Variants in NME7 observed in about 807,000 individuals in gnomAD.
The protein encoded by NME7 is nucleoside diphosphate kinase 7.
Under a neutral mutation model 49.1 loss-of-function variants are expected in NME7, and 41 were observed. The ratio of observed to expected loss-of-function variants is 0.83; its 90% confidence interval spans 0.65 to 1.08. NME7 has a LOEUF of 1.08. NME7 is among the 50% of genes least tolerant of loss of function. The probability of loss-of-function intolerance (pLI) is 0.00; values close to 1 mark genes in which losing one functional copy is unlikely to be tolerated. For missense variants in NME7, 423 were observed against 463.4 expected, an observed-to-expected ratio of 0.91 and a Z score of 0.80; for synonymous variants, 139 against 150.6, an observed-to-expected ratio of 0.92 and a Z score of 0.56.
chr1:169,287,441 T>G (rs373736347), intron 6 of NME7, 33 bp from the exon 7 acceptor site: 4 of 1,427,130 alleles, frequency 2.8e-6, no homozygotes, highest in Non-Finnish European at 3.8e-6. Flanking sequence ...TTGACAAATG[T>G]GATCTCTTAT....
rs546962650 is a variant in NME7 at position 169,257,861 on chromosome 1, TCCAATC to T, written c.755-20180_755-20175del. 9.0e-5 allele frequency among the ~76,000 whole-genome samples: 12 copies of T among 133,832 alleles called. 2 individuals are homozygous for T. Among genetic ancestry groups the T allele is most frequent in the Non-Finnish European group, 1.6e-4 (9 of 56,922 alleles). 87.8% of individuals were successfully genotyped at this position (133,832 alleles called of 152,430 possible). On this transcript the variant is annotated intron_variant, in intron 7 of 11. Coordinates refer to ENST00000367811, the MANE Select transcript of NME7 (RefSeq NM_013330.5). ...TCTTTAAGAAGGCTAAAGATAAAAC[TCCAATC>T]CCTTCTGGCTTAAAAGGTTTCTGCT... is the stretch of plus-strand genomic sequence containing the variant.
Position 169,276,672 on chromosome 1 carries a change from T to G in NME7, c.754+10631A>C, listed in dbSNP as rs909677787. On this transcript the variant is annotated intron_variant, in intron 7 of 11. Coordinates refer to ENST00000367811, the MANE Select transcript of NME7 (RefSeq NM_013330.5). ...TTCGTTGATTTTTTGAAGGGTTTTT[T>G]GGTCTCTATTTCCTTCAGTTCTGCT... 6.0e-5 allele frequency among the ~76,000 whole-genome samples: 8 copies of G among 133,366 alleles called. 1 individual carries two copies. The highest frequency in any genetic ancestry group is 4.4e-4 in the Admixed American group (6 of 13,492). 87.5% of individuals were successfully genotyped at this position (133,366 alleles called of 152,430 possible).
At chr1:169,249,554 G>T (rs1347653407) in intron 7 of NME7, among the ~76,000 whole-genome samples, 1 of 152,080 alleles carries the variant, frequency 6.6e-6, no homozygotes, top group Non-Finnish European at 1.5e-5. Flanking sequence ...TCCTTGTCTT[G>T]TTCCAGTTCT....
At chr1:169,153,754 G>A (rs1486917181) in intron 11 of NME7, among the ~76,000 whole-genome samples, 1 of 152,024 alleles carries the variant, frequency 6.6e-6, no homozygotes, top group East Asian at 1.9e-4. Context: ...CTGGAGTACA[G>A]TGATGTGATC....
chr1:169,170,256 A>G (rs1659542856), intron 10 of NME7, among the ~76,000 whole-genome samples: 1 of 152,168 alleles, frequency 6.6e-6, no homozygotes, highest in Admixed American at 6.5e-5. Context: ...GGATAAGGTT[A>G]GTCTGAGGGC....
At chr1:169,150,841 C>T (rs1481833596) in intron 11 of NME7, among the ~76,000 whole-genome samples, 1 of 151,244 alleles carries the variant, frequency 6.6e-6, no homozygotes, top group Non-Finnish European at 1.5e-5. Flanking sequence ...GAATTTCTTG[C>T]AAGGCAATAT....
intron 11 of NME7, among the ~76,000 whole-genome samples, chr1:169,153,091 G>C (rs558152096): frequency 6.6e-6 from 1 of 152,138 alleles, no homozygotes; most frequent in South Asian, 2.1e-4. Flanking sequence ...AGACAAACTT[G>C]GGTTCAAATT....
chr1:169,140,726 TAAA>T (rs57572886), intron 11 of NME7, among the ~76,000 whole-genome samples: 6,914 of 143,216 alleles, frequency 0.048, 220 homozygotes, highest in East Asian at 0.13. Flanking sequence ...AGTCTATCCT[TAAA>T]AAAAAAAAAA....
At chr1:169,168,708 G>A (rs1345191451) in intron 11 of NME7, among the ~76,000 whole-genome samples, 2 of 152,142 alleles carry the variant, frequency 1.3e-5, no homozygotes, top group Non-Finnish European at 2.9e-5. Flanking sequence ...TTCCCCAAAA[G>A]CTTAACTACT....
chr1:169,296,191 T>C (rs1193342406), intron 6 of NME7, among the ~76,000 whole-genome samples: 5 of 152,136 alleles, frequency 3.3e-5, no homozygotes, highest in Non-Finnish European at 7.4e-5. Context: ...TAACTACAAT[T>C]CCCGTCCCAC....
Position 169,279,071 on chromosome 1 carries a change from G to A in NME7, c.754+8232C>T, listed in dbSNP as rs185979081. Reference sequence around the variant, plus strand: ...TTTTGTCTCAGAGGAGTACCTGGCCGTGTGAGGTGTCAGTCTGCCCCTCCT... The same window carrying A: ...TTTTGTCTCAGAGGAGTACCTGGCCATGTGAGGTGTCAGTCTGCCCCTCCT... On this transcript the variant is annotated intron_variant, in intron 7 of 11. Transcript: ENST00000367811. 1.7e-3 allele frequency among the ~76,000 whole-genome samples: 265 copies of A among 152,278 alleles called. 2 individuals carry two copies. Among genetic ancestry groups the A allele is most frequent in the Non-Finnish European group, 2.4e-3 (165 of 68,030 alleles).
chr1:169,183,428 A>G (rs1274948895), intron 10 of NME7, among the ~76,000 whole-genome samples: 1 of 152,112 alleles, frequency 6.6e-6, no homozygotes, highest in African/African-American at 2.4e-5. Context: ...TTGAGGCAAG[A>G]CTCCCATTTA....
chr1:169,349,249 A>C (rs1024994799), intron 1 of NME7, among the ~76,000 whole-genome samples: 1 of 152,286 alleles, frequency 6.6e-6, no homozygotes, highest in African/African-American at 2.4e-5. Flanking sequence ...TATCCCCTCC[A>C]GTCATCGGGA....
chr1:169,187,213 C>T (rs542202081), intron 10 of NME7, among the ~76,000 whole-genome samples: 1 of 151,708 alleles, frequency 6.6e-6, no homozygotes, highest in African/African-American at 2.4e-5. Flanking sequence ...GATGTGGGTG[C>T]TGAGAAGAAT....
chr1:169,205,051 T>C (rs1660637555), intron 10 of NME7, among the ~76,000 whole-genome samples: 1 of 152,146 alleles, frequency 6.6e-6, no homozygotes, highest in Admixed American at 6.6e-5. Flanking sequence ...TAAATATATA[T>C]TTACTATTGT....
chr1:169,298,528 G>C, intron 6 of NME7, 28 bp downstream of exon 6: 1 of 1,598,428 alleles, frequency 6.3e-7, no homozygotes, highest in South Asian at 1.1e-5. Context: ...AACTAGAAGA[G>C]CATTAAAATA....
chr1:169,260,933 A>G lies in NME7; in HGVS notation c.755-23246T>C, dbSNP rs1266095184. 1.5e-5 allele frequency among the ~76,000 whole-genome samples: 2 copies of G among 133,656 alleles called. 1 individual carries two copies. The highest frequency in any genetic ancestry group is 3.5e-5 in the Non-Finnish European group (2 of 56,774). The allele number at this position is 133,656 out of a possible 152,430, so 87.7% of individuals were successfully genotyped here. ...AAAATTCTGCATAAAGCTTACATTA[A>G]TGTTGTTCTTCCTAGAAGTATCTGT... On this transcript the variant is annotated intron_variant, in intron 7 of 11. Transcript: ENST00000367811.
At chr1:169,278,292 G>C (rs1225345945) in intron 7 of NME7, among the ~76,000 whole-genome samples, 1 of 151,200 alleles carries the variant, frequency 6.6e-6, no homozygotes, top group Non-Finnish European at 1.5e-5. Flanking sequence ...TTTCCAACTT[G>C]GTTCCATTCT....
At chr1:169,188,623 ACT>A (rs1474243898) in intron 10 of NME7, among the ~76,000 whole-genome samples, 12 of 152,274 alleles carry the variant, frequency 7.9e-5, no homozygotes, top group African/African-American at 2.9e-4. Context: ...AGAAAGTTTA[ACT>A]CTGAACCTAT....
Sources: gnomAD v4.1 joint callset for allele counts (sites outside exome capture counted in the v4.1 genomes callset) on GRCh38, gnomAD v4.1.1 for gene constraint, MANE v1.5 for transcripts, NCBI Gene and HGNC (gene_info 2026-07-23, HGNC 2026-07-21) for gene names.